MACROD2: variants seen among roughly 807,000 people sequenced by gnomAD.
The protein encoded by MACROD2 is mono-ADP ribosylhydrolase 2.
In MACROD2, 36 loss-of-function variants were observed where a neutral mutation model predicts 70.4. The observed-to-expected ratio is 0.51, with a 90% CI of 0.39 to 0.68. The LOEUF is 0.68. MACROD2 is among the 30% of genes least tolerant of loss of function. The pLI, the probability that MACROD2 is intolerant of heterozygous loss-of-function variation, is 0.00. For synonymous variants in MACROD2, 172 were observed against 178.8 expected (o/e 0.96, Z 0.30); for missense variants, 496 against 538.4 (o/e 0.92, Z 0.78).
At chr20:14,160,239 T>C (rs1013523265) in intron 3 of MACROD2, among the ~76,000 whole-genome samples, 6 of 152,236 alleles carry the variant, frequency 3.9e-5, no homozygotes, top group African/African-American at 1.4e-4. Context: ...TCTTATGGAA[T>C]GAATTAGAGA....
At chr20:14,872,999 G>A (rs1017469774) in intron 5 of MACROD2, among the ~76,000 whole-genome samples, 1 of 152,090 alleles carries the variant, frequency 6.6e-6, no homozygotes, top group Non-Finnish European at 1.5e-5. Flanking sequence ...CAGCATAGGG[G>A]AAACTGCCCC....
At chr20:14,764,226 T>C (rs1027300582) in intron 5 of MACROD2, among the ~76,000 whole-genome samples, 1 of 152,108 alleles carries the variant, frequency 6.6e-6, no homozygotes, top group Non-Finnish European at 1.5e-5. Flanking sequence ...AGAGGCTGTA[T>C]TCCTCCAGGA....
At chr20:15,839,964 C>T (rs2064153702) in intron 8 of MACROD2, among the ~76,000 whole-genome samples, 1 of 152,116 alleles carries the variant, frequency 6.6e-6, no homozygotes, top group Non-Finnish European at 1.5e-5. Context: ...CTACTGGCTC[C>T]TAGAATTGTA....
chr20:15,182,287 G>C (rs555139094), intron 5 of MACROD2, among the ~76,000 whole-genome samples: 1 of 152,288 alleles, frequency 6.6e-6, no homozygotes, highest in African/African-American at 2.4e-5. Context: ...CAAATGGGTT[G>C]TTGGAGCAAT....
intron 12 of MACROD2, among the ~76,000 whole-genome samples, chr20:15,962,100 G>A (rs1050163673): frequency 9.9e-5 from 15 of 152,122 alleles, no homozygotes; most frequent in Non-Finnish European, 2.2e-4. Context: ...ATTCTTTGTT[G>A]AGTCGCTGAC....
chr20:15,072,052 A>C (rs556521921), intron 5 of MACROD2, among the ~76,000 whole-genome samples: 1 of 152,332 alleles, frequency 6.6e-6, no homozygotes, highest in African/African-American at 2.4e-5. Flanking sequence ...AACAAGGACA[A>C]TAAATGATTT....
intron 6 of MACROD2, among the ~76,000 whole-genome samples, chr20:15,351,180 C>T (rs2146224089): frequency 6.6e-6 from 1 of 152,226 alleles, no homozygotes; most frequent in South Asian, 2.1e-4. Flanking sequence ...AACTCTTTTA[C>T]AGTTACACTA....
At chr20:15,078,629 A>C (rs2075678326) in intron 5 of MACROD2, among the ~76,000 whole-genome samples, 2 of 152,216 alleles carry the variant, frequency 1.3e-5, no homozygotes, top group African/African-American at 4.8e-5. Context: ...TTTAGGAATT[A>C]TCAGGAACTA....
chr20:15,392,625 T>C (rs1359968786), intron 6 of MACROD2, among the ~76,000 whole-genome samples: 3 of 152,182 alleles, frequency 2.0e-5, no homozygotes, highest in African/African-American at 7.2e-5. Context: ...CCTAATTTTT[T>C]GGAAGTTCCT....
intron 5 of MACROD2, among the ~76,000 whole-genome samples, chr20:15,100,334 G>A (rs544401406): frequency 1.3e-5 from 2 of 152,172 alleles, no homozygotes; most frequent in South Asian, 4.2e-4. Context: ...TGATGAATTT[G>A]TTGAGGCACA....
chr20:15,315,908 G>A (rs1388503867), intron 6 of MACROD2, among the ~76,000 whole-genome samples: 4 of 152,014 alleles, frequency 2.6e-5, no homozygotes, highest in African/African-American at 4.8e-5. Context: ...GATGTAATTT[G>A]TAACAATAAC....
intron 4 of MACROD2, among the ~76,000 whole-genome samples, chr20:14,515,438 T>G (rs2085081404): frequency 1.0e-5 from 1 of 100,080 alleles, no homozygotes; most frequent in Non-Finnish European, 2.2e-5. Context: ...GTTGAATGAA[T>G]AAAGAATATG....
chr20:15,454,430 C>CACACACAT (rs2146399977), intron 7 of MACROD2, among the ~76,000 whole-genome samples: 1 of 150,934 alleles, frequency 6.6e-6, no homozygotes, highest in African/African-American at 2.4e-5. Flanking sequence ...CACACACACA[C>CACACACAT]ACACACACAC....
chr20:15,948,292 C>G (rs1027679987), intron 12 of MACROD2, among the ~76,000 whole-genome samples: 1 of 137,338 alleles, frequency 7.3e-6, no homozygotes, highest in East Asian at 2.3e-4. Flanking sequence ...GTGGGAGGGA[C>G]AATGATCGGC....
intron 4 of MACROD2, among the ~76,000 whole-genome samples, chr20:14,562,140 A>C (rs1979477078): frequency 6.6e-6 from 1 of 151,916 alleles, no homozygotes; most frequent in African/African-American, 2.4e-5. Context: ...GGCAGAAAAA[A>C]GACTTTTTTA....
chr20:14,234,012 G>A (rs142845318), intron 3 of MACROD2, among the ~76,000 whole-genome samples: 1 of 152,260 alleles, frequency 6.6e-6, no homozygotes, highest in Admixed American at 6.5e-5. Context: ...AACCCGCAGA[G>A]CTGTACAAGA....
intron 3 of MACROD2, among the ~76,000 whole-genome samples, chr20:14,230,686 T>TGGGCCC (rs1569217542): frequency 3.3e-5 from 4 of 120,946 alleles, no homozygotes; most frequent in African/African-American, 6.7e-5. Flanking sequence ...TATATATATA[T>TGGGCCC]ATATATATAT....
At position 15,313,536 on chromosome 20, in the gene MACROD2, C is replaced by G. The variant is rs996320309; in HGVS notation, c.540+83475C>G. On this transcript the variant is annotated intron_variant, in intron 6 of 17. Coordinates refer to ENST00000684519, the MANE Select transcript of MACROD2 (RefSeq NM_001351661.2). The stretch of plus-strand genomic sequence containing the variant: ...AAAAAAAAAAAAAAAAAATGACATG[C>G]AATAACTGAAGTTGATTTCTTACTG... 2.0e-5 allele frequency among the ~76,000 whole-genome samples: 3 copies of G among 150,320 alleles called. No homozygotes were observed. In the East Asian group the frequency reaches 5.9e-4, roughly 29 times the overall value.
intron 6 of MACROD2, among the ~76,000 whole-genome samples, chr20:15,306,727 G>C (rs1010249032): frequency 1.3e-5 from 2 of 152,128 alleles, no homozygotes; most frequent in African/African-American, 4.8e-5. Context: ...CTAAAAACAG[G>C]GTTGTAGGAG....
Sources: gnomAD v4.1 joint callset for allele counts (sites outside exome capture counted in the v4.1 genomes callset) on GRCh38, gnomAD v4.1.1 for gene constraint, MANE v1.5 for transcripts, NCBI Gene and HGNC (gene_info 2026-07-23, HGNC 2026-07-21) for gene names.